PRDM1: variants seen among roughly 807,000 people sequenced by gnomAD.
PRDM1 encodes the protein PR domain zinc finger protein 1.
A neutral mutation model predicts 62.8 loss-of-function variants in PRDM1; 13 were observed. The observed-to-expected ratio is 0.21, with a 90% CI of 0.13 to 0.33. PRDM1 has a LOEUF of 0.33. Among genes scored for constraint, PRDM1 ranks in the 10% least tolerant of loss-of-function variants. The pLI, the probability that PRDM1 is intolerant of heterozygous loss-of-function variation, is 1.00. For missense variants in PRDM1, 895 were observed against 1,058.8 expected (o/e 0.85, Z 2.15); for synonymous variants, 396 against 417.6 (o/e 0.95, Z 0.63).
chr6:106,044,743 C>T (rs760313828), upstream of PRDM1, among the ~76,000 whole-genome samples: 18 of 152,108 alleles, frequency 1.2e-4, no homozygotes, highest in Admixed American at 7.2e-4. Flanking sequence ...AGAATTAAGT[C>T]AGGTTCCTTC....
At chr6:105,993,888 A>G (rs1772315510) in intron 1 of PRDM1, among the ~76,000 whole-genome samples, 1 of 152,230 alleles carries the variant, frequency 6.6e-6, no homozygotes, top group Non-Finnish European at 1.5e-5. Flanking sequence ...TGGATTGATC[A>G]TTACGGTTTG....
chr6:106,070,478 T>G (rs1053291373), intron 1 of PRDM1, among the ~76,000 whole-genome samples: 5 of 152,230 alleles, frequency 3.3e-5, no homozygotes, highest in Admixed American at 2.6e-4. Flanking sequence ...ATATTCAGGT[T>G]GTTTCTAGTG....
chr6:106,102,346 A>AT (rs752776284), intron 4 of PRDM1, among the ~76,000 whole-genome samples: 1 of 152,212 alleles, frequency 6.6e-6, no homozygotes, highest in Non-Finnish European at 1.5e-5. Context: ...CTGAAGGATG[A>AT]TTTTTTAAAA....
chr6:106,019,940 A>G (rs1383877472), intron 1 of PRDM1, among the ~76,000 whole-genome samples: 1 of 150,792 alleles, frequency 6.6e-6, no homozygotes, highest in Non-Finnish European at 1.5e-5. Flanking sequence ...TCTTTCAAAA[A>G]AAGGAAGAGC....
upstream of PRDM1, among the ~76,000 whole-genome samples, chr6:106,081,512 G>C (rs546396253): frequency 2.8e-4 from 43 of 152,292 alleles, no homozygotes; most frequent in Non-Finnish European, 5.7e-4. Flanking sequence ...CTGGTCCTCA[G>C]TTTCCTCAGC....
chr6:106,052,575 C>A (rs1773194690), intron 1 of PRDM1, among the ~76,000 whole-genome samples: 1 of 152,106 alleles, frequency 6.6e-6, no homozygotes, highest in African/African-American at 2.4e-5. Flanking sequence ...TTTGGATCCT[C>A]TGTTGGAAGA....
chr6:106,011,267 A>G (rs1023912085), intron 1 of PRDM1, among the ~76,000 whole-genome samples: 1 of 152,142 alleles, frequency 6.6e-6, no homozygotes, highest in Admixed American at 6.5e-5. Context: ...TCTCTGAGGA[A>G]CCTCTGTTGC....
intron 1 of PRDM1, among the ~76,000 whole-genome samples, chr6:106,074,001 G>C (rs187107726): frequency 1.1e-4 from 16 of 152,190 alleles, no homozygotes; most frequent in Non-Finnish European, 2.4e-4. Context: ...GCAAAATTTG[G>C]GGGGAGGGAA....
intron 1 of PRDM1, among the ~76,000 whole-genome samples, chr6:106,057,943 C>T (rs1200957079): frequency 6.6e-6 from 1 of 152,098 alleles, no homozygotes; most frequent in African/African-American, 2.4e-5. Flanking sequence ...GTAGATAGAA[C>T]TTGATGCAAG....
At chr6:106,087,834 G>C in intron 1 of PRDM1, 1 of 240,984 alleles carries the variant, frequency 4.1e-6, no homozygotes, top group East Asian at 6.0e-5. Flanking sequence ...ACAGTGCCGA[G>C]GGTCTGGCGG....
At chr6:106,083,616 C>G (rs1009766527), upstream of PRDM1, among the ~76,000 whole-genome samples, 17 of 152,130 alleles carry the variant, frequency 1.1e-4, no homozygotes, top group Non-Finnish European at 2.2e-4. Flanking sequence ...ATGCCATCCA[C>G]GGGAATAGAT....
chr6:105,996,088 C>G (rs141842004), intron 1 of PRDM1, among the ~76,000 whole-genome samples: 1 of 152,246 alleles, frequency 6.6e-6, no homozygotes. Flanking sequence ...TAAAAGTCAG[C>G]CAGATGAGGT....
chr6:106,091,918 A>G (rs1479441746), intron 2 of PRDM1, among the ~76,000 whole-genome samples: 1 of 152,222 alleles, frequency 6.6e-6, no homozygotes, highest in Admixed American at 6.5e-5. Context: ...TTCTCTCAAG[A>G]CAAATATTCA....
At chr6:106,011,635 A>T (rs981577891) in intron 1 of PRDM1, among the ~76,000 whole-genome samples, 5 of 152,024 alleles carry the variant, frequency 3.3e-5, no homozygotes, top group Admixed American at 1.3e-4. Flanking sequence ...GCCCCCTGCA[A>T]AGCTGCTTAC....
At chr6:106,098,789 T>C (rs543436182) in intron 3 of PRDM1, 2 of 1,498,132 alleles carry the variant, frequency 1.3e-6, no homozygotes, top group African/African-American at 2.8e-5. Context: ...GTGGAGGATG[T>C]TTGCATAGTT....
At chr6:106,008,932 T>C (rs6913174) in intron 1 of PRDM1, among the ~76,000 whole-genome samples, 126,785 of 152,184 alleles carry the variant, frequency 0.83, 52,824 homozygotes, top group South Asian at 0.9. Flanking sequence ...TCCACAAGGT[T>C]CAAATCACAG....
At chr6:106,056,263 G>A (rs1773265510) in intron 1 of PRDM1, among the ~76,000 whole-genome samples, 1 of 152,144 alleles carries the variant, frequency 6.6e-6, no homozygotes. Flanking sequence ...AGCGAAATGG[G>A]AGAAGCACGG....
At chr6:106,008,966 G>C (rs992775313) in intron 1 of PRDM1, among the ~76,000 whole-genome samples, 1 of 152,132 alleles carries the variant, frequency 6.6e-6, no homozygotes, top group African/African-American at 2.4e-5. Flanking sequence ...CGCAGCGGTG[G>C]CCAGGTCCAT....
chr6:105,993,453 T>TGA (rs1772307933), upstream of PRDM1, among the ~76,000 whole-genome samples: 1 of 152,232 alleles, frequency 6.6e-6, no homozygotes, highest in Non-Finnish European at 1.5e-5. Context: ...GTAGCTGCTT[T>TGA]GACGTTTCTC....
Sources: allele counts gnomAD v4.1 joint callset (sites outside exome capture counted in the v4.1 genomes callset), GRCh38; gene constraint gnomAD v4.1.1; transcripts MANE v1.5; gene names NCBI Gene and HGNC (gene_info 2026-07-23, HGNC 2026-07-21).